The following PACSIN2 variants were observed in gnomAD, a reference collection of about 807,000 sequenced individuals.
PACSIN2 encodes protein kinase C and casein kinase substrate in neurons 2, also known as protein kinase C and casein kinase substrate in neurons protein 2.
A neutral mutation model predicts 63.8 loss-of-function variants in PACSIN2; 25 were observed. The ratio of observed to expected loss-of-function variants is 0.39; its 90% CI spans 0.29 to 0.55. PACSIN2 has a LOEUF of 0.55. Ranked by LOEUF, PACSIN2 falls within the 20% of genes least tolerant of loss-of-function variation. The pLI, the probability that PACSIN2 is intolerant of heterozygous loss-of-function variation, is 0.62. For synonymous variants in PACSIN2, 255 were observed against 256.2 expected (o/e 1.00, Z 0.05); for missense variants, 518 against 646.9 (o/e 0.80, Z 2.16).
At chr22:42,971,915 G>A (rs1036095696) in intron 1 of PACSIN2, among the ~76,000 whole-genome samples, 10 of 135,502 alleles carry the variant, frequency 7.4e-5, no homozygotes, top group South Asian at 4.9e-4. Context: ...CCCGGCCGCC[G>A]CCCCGTCTGG....
chr22:42,965,313 T>C (rs1197817204), intron 1 of PACSIN2, among the ~76,000 whole-genome samples: 1 of 152,246 alleles, frequency 6.6e-6, no homozygotes, highest in Non-Finnish European at 1.5e-5. Context: ...AAGGAAATTT[T>C]GGAGCAATGG....
chr22:43,008,421 T>C lies in PACSIN2; in HGVS notation c.-78+6600A>G, dbSNP rs538638868. Among the ~76,000 whole-genome samples the C allele has an allele frequency of 9.8e-5, 15 of 152,290 alleles. No homozygotes were observed. The South Asian group carries it at 2.9e-3, about 30-fold the overall frequency. On this transcript the variant is annotated intron_variant, in intron 1 of 10. Coordinates refer to ENST00000263246, the MANE Select transcript of PACSIN2 (RefSeq NM_001184970.3). The stretch of plus-strand genomic sequence containing the variant: ...ACGCACCACCATGACCAGCTAGTTT[T>C]TATATTTTTAGTAGAGATGGGGTTT...
At position 43,011,347 on chromosome 22, in the gene PACSIN2, C is replaced by T. The variant is rs938960085; in HGVS notation, c.-78+3674G>A. ...GTCATTAATCGCATAATCTACAGGG[C>T]GGCCTCCACAAAGCTGCCATTACAA... On this transcript the variant is annotated intron_variant, in intron 1 of 10. Transcript: ENST00000263246. Among the ~76,000 whole-genome samples the T allele has an allele frequency of 2.0e-4, 30 of 152,300 alleles. 1 individual carries two copies. The highest frequency in any genetic ancestry group is 3.7e-4 in the Non-Finnish European group (25 of 68,022).
At chr22:42,939,651 C>T (rs1333219026) in intron 1 of PACSIN2, among the ~76,000 whole-genome samples, 2 of 152,170 alleles carry the variant, frequency 1.3e-5, no homozygotes, top group Non-Finnish European at 2.9e-5. Flanking sequence ...CTAGAACACA[C>T]AATGGAAGGA....
At chr22:42,977,599 TTG>T (rs1921793185) in intron 1 of PACSIN2, among the ~76,000 whole-genome samples, 3 of 152,060 alleles carry the variant, frequency 2.0e-5, no homozygotes, top group Admixed American at 1.3e-4. Context: ...GTAAAAGGGG[TTG>T]ATATGGTTAG....
intron 1 of PACSIN2, among the ~76,000 whole-genome samples, chr22:42,960,608 CT>C (rs1934097001): frequency 6.6e-6 from 1 of 152,118 alleles, no homozygotes; most frequent in Non-Finnish European, 1.5e-5. Context: ...TTTTAAAATG[CT>C]TGTGCCTACA....
Position 43,014,351 on chromosome 22 carries a change from CAG to C in PACSIN2, c.-78+668_-78+669del, listed in dbSNP as rs1228549869. On this transcript the variant is annotated intron_variant, in intron 1 of 10. Coordinates refer to ENST00000263246, the MANE Select transcript of PACSIN2 (RefSeq NM_001184970.3). ...ACACACACACACACACACACACACA[CAG>C]ACACACACACACCACCCCCCCCCCC... Among the ~76,000 whole-genome samples, 140 of 18,052 alleles carry C rather than the reference CAG, an allele frequency of 7.8e-3. 3 individuals carry two copies. The highest frequency in any genetic ancestry group is 0.047 in the African/African-American group (134 of 2,854). 11.8% of individuals were successfully genotyped at this position (18,052 alleles called of 152,430 possible). A position where few individuals can be genotyped will look rare whatever the true frequency, so the allele number is the denominator to read the frequency against.
chr22:42,969,359 T>C (rs1921070256), intron 1 of PACSIN2, among the ~76,000 whole-genome samples: 1 of 152,244 alleles, frequency 6.6e-6, no homozygotes, highest in African/African-American at 2.4e-5. Flanking sequence ...CAATTGGAAT[T>C]CTTTTCTGAT....
At chr22:43,010,587 GTAGTCCCAGC>G (rs1924423571) in intron 1 of PACSIN2, among the ~76,000 whole-genome samples, 1 of 151,986 alleles carries the variant, frequency 6.6e-6, no homozygotes, top group Non-Finnish European at 1.5e-5. Flanking sequence ...GCGGGCGCCT[GTAGTCCCAGC>G]TACTTGGGAG....
intron 2 of PACSIN2, 151 bp from the exon 3 acceptor site, chr22:42,893,764 T>C: frequency 1.5e-6 from 1 of 684,534 alleles, no homozygotes; most frequent in African/African-American, 1.8e-5. Flanking sequence ...GCACTCCGTG[T>C]AGTTAGATAA....
rs115392773 is a variant in PACSIN2, at chr22:42,959,008, A to G, written c.-77-46851T>C. On this transcript the variant is annotated intron_variant, in intron 1 of 10. Coordinates refer to ENST00000263246, the MANE Select transcript of PACSIN2 (RefSeq NM_001184970.3). ...ATAAGGCTGCTCAGTTATTAAAACAATAAGACTTTTACATTTTGTTACCCG... is the reference window on the plus strand; with the variant it reads ...ATAAGGCTGCTCAGTTATTAAAACAGTAAGACTTTTACATTTTGTTACCCG... Among the ~76,000 whole-genome samples the G allele has an allele frequency of 4.8e-3, 736 of 152,342 alleles. 1 individual carries two copies. Among genetic ancestry groups the G allele is most frequent in the African/African-American group, 0.015 (627 of 41,570 alleles).
At chr22:42,932,449 G>A (rs570018408) in intron 1 of PACSIN2, among the ~76,000 whole-genome samples, 1 of 152,304 alleles carries the variant, frequency 6.6e-6, no homozygotes, top group East Asian at 1.9e-4. Context: ...GTGAATTCCA[G>A]AAGCGTATCT....
chr22:42,888,535 A>G, intron 5 of PACSIN2, 108 bp downstream of exon 5: 1 of 1,090,694 alleles, frequency 9.2e-7, no homozygotes, highest in Non-Finnish European at 1.4e-6. Context: ...TTGGTTATTT[A>G]TCCCTCTATC....
chr22:43,010,435 C>T (rs1924410124), intron 1 of PACSIN2, among the ~76,000 whole-genome samples: 1 of 131,422 alleles, frequency 7.6e-6, no homozygotes, highest in Non-Finnish European at 1.7e-5. Context: ...ACCGGCCAGG[C>T]ACGGTGGCTC....
chr22:42,888,566 T>A (rs1929658641), intron 5 of PACSIN2, 77 bp downstream of exon 5: 1 of 1,435,290 alleles, frequency 7.0e-7, no homozygotes, highest in Admixed American at 1.7e-5. Flanking sequence ...CCCAAGCAGT[T>A]ACAGAAGGCT....
intron 1 of PACSIN2, among the ~76,000 whole-genome samples, chr22:42,997,600 G>A (rs1024442083): frequency 6.6e-6 from 1 of 151,044 alleles, no homozygotes; most frequent in Non-Finnish European, 1.5e-5. Context: ...AAAAATGAAT[G>A]GGGATTTATG....
intron 1 of PACSIN2, among the ~76,000 whole-genome samples, chr22:42,925,967 C>CT (rs1932509530): frequency 6.6e-6 from 1 of 152,216 alleles, no homozygotes; most frequent in African/African-American, 2.4e-5. Context: ...TTGCTTGTCT[C>CT]TACCACCCAG....
At chr22:42,983,813 G>C (rs934930669) in intron 1 of PACSIN2, among the ~76,000 whole-genome samples, 8 of 151,960 alleles carry the variant, frequency 5.3e-5, no homozygotes, top group African/African-American at 1.9e-4. Context: ...CTTTGTCTTT[G>C]TTCTTCAGTT....
At chr22:42,891,768 G>A (rs988224984) in intron 3 of PACSIN2, among the ~76,000 whole-genome samples, 3 of 152,324 alleles carry the variant, frequency 2.0e-5, no homozygotes, top group South Asian at 2.1e-4. Flanking sequence ...CATCTTAGAA[G>A]TCTTAATTTA....
Sources: gnomAD v4.1 joint callset for allele counts (sites outside exome capture counted in the v4.1 genomes callset) on GRCh38, gnomAD v4.1.1 for gene constraint, MANE v1.5 for transcripts, NCBI Gene and HGNC (gene_info 2026-07-23, HGNC 2026-07-21) for gene names.